KCNMB3: variants seen among roughly 807,000 people sequenced by gnomAD.
KCNMB3 encodes the protein potassium calcium-activated channel subfamily M regulatory beta subunit 3.
KCNMB3 carries 18 observed loss-of-function variants against 11.9 expected under a neutral mutation model. The observed-to-expected ratio is 1.51, with a 90% CI of 1.04 to 2.23. The LOEUF (loss-of-function observed/expected upper bound fraction) is 2.23, where lower values mean the gene tolerates loss of function less well. Ranked by LOEUF, KCNMB3 falls within the 30% of genes most tolerant of loss-of-function variation. The pLI, the probability that KCNMB3 is intolerant of heterozygous loss-of-function variation, is 0.00. For missense variants in KCNMB3, 247 were observed against 329.4 expected (o/e 0.75, Z 1.94); for synonymous variants, 78 against 119.2 (o/e 0.65, Z 2.25).
chr3:179,251,942 G>A (rs1417571480), upstream of KCNMB3, among the ~76,000 whole-genome samples: 3 of 152,032 alleles, frequency 2.0e-5, no homozygotes, highest in Admixed American at 6.6e-5. Context: ...TAATGGTCTC[G>A]AACGCCTGAC....
chr3:179,249,038 A>T (rs1725743616), intron 1 of KCNMB3, among the ~76,000 whole-genome samples: 1 of 125,696 alleles, frequency 8.0e-6, no homozygotes. Context: ...TTTGAGACAG[A>T]GTCTCGCTCA....
intron 1 of KCNMB3, among the ~76,000 whole-genome samples, chr3:179,265,123 G>C (rs1170170141): frequency 6.6e-6 from 1 of 152,162 alleles, no homozygotes; most frequent in South Asian, 2.1e-4. Flanking sequence ...TTTGTCATTT[G>C]ATCTTTTGCC....
At chr3:179,261,195 GC>G in intron 1 of KCNMB3, 2 of 1,349,570 alleles carry the variant, frequency 1.5e-6, no homozygotes, top group Non-Finnish European at 2.0e-6. Context: ...TTTGCGGCGA[GC>G]CGGGCCTCCG....
chr3:179,260,101 C>G, intron 1 of KCNMB3: 2 of 1,607,154 alleles, frequency 1.2e-6, no homozygotes, highest in South Asian at 2.2e-5. Flanking sequence ...TAAACTGTGT[C>G]ATCACTATGC....
upstream of KCNMB3, among the ~76,000 whole-genome samples, chr3:179,252,105 CTT>C (rs1231365172): frequency 6.6e-6 from 1 of 152,120 alleles, no homozygotes; most frequent in African/African-American, 2.4e-5. Context: ...TGAGTTCTGA[CTT>C]TGGAAATAAT....
At chr3:179,260,901 A>G (rs62410373) in intron 1 of KCNMB3, 659,988 of 1,105,884 alleles carry the variant, frequency 0.6, 201,023 homozygotes, top group East Asian at 0.87. Context: ...TCATTGTCTA[A>G]CTGAGCATTG....
chr3:179,243,457 T>A (rs1006748954), intron 2 of KCNMB3, among the ~76,000 whole-genome samples, 173 bp from the exon 3 acceptor site: 1 of 152,148 alleles, frequency 6.6e-6, no homozygotes, highest in Non-Finnish European at 1.5e-5. Context: ...AGGGCCACAG[T>A]GAAATGGCCA....
chr3:179,246,772 G>A (rs1300736907), intron 1 of KCNMB3, among the ~76,000 whole-genome samples: 1 of 152,200 alleles, frequency 6.6e-6, no homozygotes, highest in Non-Finnish European at 1.5e-5. Flanking sequence ...TCTTGACCGA[G>A]TACTGAACTG....
chr3:179,255,327 T>C (rs1477190), upstream of KCNMB3, among the ~76,000 whole-genome samples: 70,520 of 151,262 alleles, frequency 0.47, 18,256 homozygotes, highest in East Asian at 0.87. Context: ...CTGTAACATA[T>C]TTAAAGAAAT....
rs1725496951 is a variant in KCNMB3 at position 179,242,812 on chromosome 3, T to A, written c.*92A>T. 6.8e-7 allele frequency: 1 copy of A among 1,473,338 alleles called. No individual in the cohort carries two copies. Among genetic ancestry groups the A allele is most frequent in the African/African-American group, 1.4e-5 (1 of 70,776 alleles). The allele number at this position is 1,473,338 out of a possible 1,614,324, so 91.3% of individuals were successfully genotyped here. A position where few individuals can be genotyped will look rare whatever the true frequency, so the allele number is the denominator to read the frequency against. On this transcript the variant is annotated 3_prime_UTR_variant, in exon 3 of 3. Transcript: ENST00000392685. ...AATATGATACTTTAATTATTACCTTTTACATTATTAGTTTGCAGACAGGCA... is the reference window on the plus strand; with the variant it reads ...AATATGATACTTTAATTATTACCTTATACATTATTAGTTTGCAGACAGGCA...
At chr3:179,261,788 A>G (rs1438522619) in intron 1 of KCNMB3, among the ~76,000 whole-genome samples, 1 of 151,594 alleles carries the variant, frequency 6.6e-6, no homozygotes, top group Non-Finnish European at 1.5e-5. Context: ...GAAGTTTTCA[A>G]CTTACAGTAT....
chr3:179,250,705 G>C (rs764783250), intron 1 of KCNMB3, 38 bp downstream of exon 1: 1 of 1,605,172 alleles, frequency 6.2e-7, no homozygotes, highest in South Asian at 1.1e-5. Flanking sequence ...GATCTTATCT[G>C]AATTGGAAAC....
chr3:179,253,621 C>A (rs1031442115), upstream of KCNMB3, among the ~76,000 whole-genome samples: 4 of 152,092 alleles, frequency 2.6e-5, no homozygotes, highest in Non-Finnish European at 5.9e-5. Context: ...GCCTGACCAA[C>A]ATGGTGAAAC....
chr3:179,262,737 A>G (rs1057004317), intron 1 of KCNMB3, among the ~76,000 whole-genome samples: 23 of 152,106 alleles, frequency 1.5e-4, no homozygotes, highest in African/African-American at 5.3e-4. Context: ...GCTAGACACA[A>G]AGGTTCTCCA....
At chr3:179,256,624 T>G (rs1229349674) in intron 1 of KCNMB3, among the ~76,000 whole-genome samples, 6 of 152,028 alleles carry the variant, frequency 3.9e-5, no homozygotes. Context: ...AGTTCAAATA[T>G]GCATGCTAAA....
chr3:179,253,262 A>T (rs1251358088), upstream of KCNMB3, among the ~76,000 whole-genome samples: 1 of 152,142 alleles, frequency 6.6e-6, no homozygotes, highest in Non-Finnish European at 1.5e-5. Context: ...CTTCTAATGC[A>T]TCTCTAATAC....
chr3:179,265,237 G>C (rs138562970), intron 1 of KCNMB3, among the ~76,000 whole-genome samples: 1 of 152,078 alleles, frequency 6.6e-6, no homozygotes, highest in African/African-American at 2.4e-5. Context: ...CTTCTTCCCT[G>C]AACCCCCATC....
chr3:179,259,107 TCTC>T, intron 1 of KCNMB3: 1 of 1,591,830 alleles, frequency 6.3e-7, no homozygotes, highest in Admixed American at 1.8e-5. Flanking sequence ...GTCCCCCGGC[TCTC>T]CTCCTGGTGC....
upstream of KCNMB3, among the ~76,000 whole-genome samples, chr3:179,255,323 C>T (rs1273668236): frequency 6.6e-6 from 1 of 150,422 alleles, no homozygotes; most frequent in Non-Finnish European, 1.5e-5. Flanking sequence ...ACATCTGTAA[C>T]ATATTTAAAG....
Sources: gnomAD v4.1 joint callset for allele counts (sites outside exome capture counted in the v4.1 genomes callset) on GRCh38, gnomAD v4.1.1 for gene constraint, MANE v1.5 for transcripts, NCBI Gene and HGNC (gene_info 2026-07-23, HGNC 2026-07-21) for gene names.